DNAJC5G: variants seen among roughly 807,000 people sequenced by gnomAD.
DNAJC5G encodes dnaJ homolog subfamily C member 5G.
Under a neutral mutation model 19.1 loss-of-function variants are expected in DNAJC5G, and 13 were observed. The observed-to-expected ratio is 0.68, with a 90% CI of 0.44 to 1.08. The LOEUF (loss-of-function observed/expected upper bound fraction) is 1.08. DNAJC5G is among the 50% of genes least tolerant of loss of function. The probability of loss-of-function intolerance (pLI) is 0.00; values close to 1 mark genes in which losing one functional copy is unlikely to be tolerated. For missense variants in DNAJC5G, 245 were observed against 230.4 expected (o/e 1.06, Z -0.41); for synonymous variants, 81 against 84.4 (o/e 0.96, Z 0.22).
Position 27,277,974 on chromosome 2 carries a change from G to C in DNAJC5G, c.334G>C (p.Gly112Arg). 6.2e-7 allele frequency: 1 copy of C among 1,614,190 alleles called. No individual in the cohort carries two copies. The highest frequency in any genetic ancestry group is 8.5e-7 in the Non-Finnish European group (1 of 1,180,046). The change falls in exon 4 of 7, where the codon GGC (glycine) becomes CGC (arginine). Residue 112 changes from glycine to arginine, a missense_variant. Physicochemically the swap from Gly to Arg is moderately radical, Grantham distance 125. Coordinates refer to ENST00000296097, the MANE Select transcript of DNAJC5G (RefSeq NM_173650.3). ...TCTGTATGATCACTTTGGTGAAGAA[G>C]GCGTCAGATACTATTTTATTCTGAA... ...IYLYDHFGEE[G>R]VRYYFILNSC...
Position 27,277,761 on chromosome 2 carries a change from G to C in DNAJC5G, c.121G>C (p.Ala41Pro). The C allele has an allele frequency of 6.2e-7, 1 of 1,613,840 alleles. No homozygotes were observed. Among genetic ancestry groups the C allele is most frequent in the Non-Finnish European group, 8.5e-7 (1 of 1,179,840 alleles). The change falls in exon 4 of 7, where the codon GCA becomes CCA. Residue 41 changes from alanine (A) to proline (P), a missense_variant. Coordinates refer to ENST00000296097, the MANE Select transcript of DNAJC5G (RefSeq NM_173650.3). Reference sequence around the variant, plus strand: ...GTAAGTCTCCTTCCCCAGCCATTCCGCATTGCTTCCCCACCCTCCTTTTGA... The same window carrying C: ...GTAAGTCTCCTTCCCCAGCCATTCCCCATTGCTTCCCCACCCTCCTTTTGA... The part of the protein sequence containing the change: ...EDFKKSYSHS[A>P]LLPHPPFEYH...
At chr2:27,276,586 C>T in intron 2 of DNAJC5G, 140 bp from the exon 3 acceptor site, 3 of 662,540 alleles carry the variant, frequency 4.5e-6, no homozygotes, top group African/African-American at 1.8e-5. Flanking sequence ...ATCCCACTCA[C>T]TCTTATCTTA....
intron 4 of DNAJC5G, 75 bp from the exon 5 acceptor site, chr2:27,278,113 G>T: frequency 6.2e-7 from 1 of 1,610,442 alleles, no homozygotes; most frequent in Non-Finnish European, 8.5e-7. Context: ...TGGGTGCCAG[G>T]AGGATTGAGG....
At chr2:27,276,879 C>T (rs576484435) in intron 3 of DNAJC5G, 38 bp downstream of exon 3, 2 of 1,545,982 alleles carry the variant, frequency 1.3e-6, no homozygotes, top group East Asian at 2.3e-5. Context: ...TTGGAATTTC[C>T]CCCTTAAACC....
chr2:27,276,927 T>C (rs1678114827), intron 3 of DNAJC5G, 86 bp downstream of exon 3: 3 of 763,114 alleles, frequency 3.9e-6, no homozygotes, highest in African/African-American at 3.8e-5. Flanking sequence ...CTGACTCTTT[T>C]TTTTTTTTTT....
chr2:27,276,507 TGAG>T (rs1023586440), intron 2 of DNAJC5G, 120 bp downstream of exon 2: 23 of 502,998 alleles, frequency 4.6e-5, no homozygotes, highest in African/African-American at 3.5e-4. Context: ...CTGGGAAATG[TGAG>T]GAGAAGATGT....
intron 5 of DNAJC5G, among the ~76,000 whole-genome samples, chr2:27,279,302 T>TTGG (rs1370760775): frequency 3.4e-5 from 5 of 147,056 alleles, no homozygotes; most frequent in Non-Finnish European, 7.4e-5. Flanking sequence ...TTTGTTGTTG[T>TTGG]TGGTGGTGGT....
intron 3 of DNAJC5G, among the ~76,000 whole-genome samples, chr2:27,277,441 T>C (rs1204862560): frequency 6.6e-6 from 1 of 151,806 alleles, no homozygotes; most frequent in East Asian, 1.9e-4. Flanking sequence ...CTTTTGTATT[T>C]TTGGTAGAGA....
rs200566664 is a variant in DNAJC5G, at chr2:27,280,128, C to G, written c.521-38C>G. The G allele has an allele frequency of 3.1e-6, 5 of 1,592,568 alleles. No homozygotes were observed. The African/African-American group carries it at 4.0e-5, about 13-fold the overall frequency. ...CAGTACACTACGAAAAGTTACTAAACGTTTGTATATGTAAACATATATATA... is the reference window on the plus strand; with the variant it reads ...CAGTACACTACGAAAAGTTACTAAAGGTTTGTATATGTAAACATATATATA... On this transcript the variant is annotated intron_variant, in intron 5 of 6. Transcript: ENST00000296097.
At chr2:27,276,702 GA>G in intron 2 of DNAJC5G, 23 bp from the exon 3 acceptor site, 1 of 1,606,788 alleles carries the variant, frequency 6.2e-7, no homozygotes, top group Non-Finnish European at 8.5e-7. Context: ...AGTTCTCACA[GA>G]TGCTGCTTCT....
chr2:27,277,663 T>C, intron 3 of DNAJC5G, 91 bp from the exon 4 acceptor site: 2 of 1,507,934 alleles, frequency 1.3e-6, no homozygotes, highest in South Asian at 1.2e-5. Flanking sequence ...CCTTGGATGC[T>C]TGCCTCCATC....
intron 2 of DNAJC5G, 103 bp from the exon 3 acceptor site, chr2:27,276,623 T>G (rs1678091850): frequency 2.2e-6 from 2 of 929,540 alleles, no homozygotes; most frequent in Admixed American, 4.9e-5. Flanking sequence ...ATCGTTTACC[T>G]GCCTAATCCC....
At chr2:27,277,640 G>A (rs1281045145) in intron 3 of DNAJC5G, 114 bp from the exon 4 acceptor site, 1 of 1,347,482 alleles carries the variant, frequency 7.4e-7, no homozygotes, top group African/African-American at 1.4e-5. Flanking sequence ...TATAGTATGG[G>A]AAGGAGTTTA....
At chr2:27,280,130 T>C (rs1046167971) in intron 5 of DNAJC5G, 36 bp from the exon 6 acceptor site, 2 of 1,601,474 alleles carry the variant, frequency 1.2e-6, no homozygotes, top group African/African-American at 2.7e-5. Context: ...TTACTAAACG[T>C]TTGTATATGT....
intron 5 of DNAJC5G, 128 bp from the exon 6 acceptor site, chr2:27,280,038 T>C (rs1678298908): frequency 1.1e-5 from 9 of 816,072 alleles, no homozygotes; most frequent in Non-Finnish European, 1.6e-5. Context: ...TATAAGCTGA[T>C]TGAACTTGAC....
rs1053404514 is a variant in DNAJC5G at position 27,275,564 on chromosome 2, A to G, written c.-286+11A>G. On this transcript the variant is annotated intron_variant, in intron 1 of 6. Transcript: ENST00000296097. Reference sequence around the variant, plus strand: ...GAGAACGACTCCCAGGTAAAGGGCCAGACCCAGGTGAGGAGTCGGCACAGG... The same window carrying G: ...GAGAACGACTCCCAGGTAAAGGGCCGGACCCAGGTGAGGAGTCGGCACAGG... 1 of 313,130 alleles carries G rather than the reference A, an allele frequency of 3.2e-6. No individual in the cohort carries two copies. Among genetic ancestry groups the G allele is most frequent in the Non-Finnish European group, 6.2e-6 (1 of 160,086 alleles). 19.4% of individuals were successfully genotyped at this position (313,130 alleles called of 1,614,324 possible).
In DNAJC5G at chr2:27,276,839, C is replaced by T; in HGVS notation, c.111C>T (p.Tyr37=). The part of the protein sequence containing the change: ...GASPEDFKKS[Y]SHSALLPHPP... ...CACCTGAAGACTTCAAAAAATCCTA[C>T]AGGTTCAGACCTCAGCCCTTTATTG... Residue 37 remains tyrosine (Y), a splice_region_variant and synonymous_variant, in exon 3 of 7, where the codon TAC becomes TAT. Transcript: ENST00000296097. 1 of 1,613,620 alleles carries T rather than the reference C, an allele frequency of 6.2e-7. No individual in the cohort carries two copies. Among genetic ancestry groups the T allele is most frequent in the Non-Finnish European group, 8.5e-7 (1 of 1,179,686 alleles).
chr2:27,276,921 C>CTT, intron 3 of DNAJC5G, 80 bp downstream of exon 3: 1 of 762,998 alleles, frequency 1.3e-6, no homozygotes, highest in Non-Finnish European at 1.9e-6. Context: ...TGCTATCTGA[C>CTT]TCTTTTTTTT....
intron 5 of DNAJC5G, among the ~76,000 whole-genome samples, 156 bp from the exon 6 acceptor site, chr2:27,280,009 TC>T (rs922162581): frequency 2.6e-5 from 4 of 151,188 alleles, no homozygotes; most frequent in South Asian, 2.1e-4. Context: ...CTGAGATCAT[TC>T]CCCCCCAAAT....
Sources: allele counts gnomAD v4.1 joint callset (sites outside exome capture counted in the v4.1 genomes callset), GRCh38; gene constraint gnomAD v4.1.1; transcripts MANE v1.5; gene names NCBI Gene and HGNC (gene_info 2026-07-23, HGNC 2026-07-21).